Variants in PPP4R3B observed in about 807,000 individuals in gnomAD.
PPP4R3B encodes serine/threonine-protein phosphatase 4 regulatory subunit 3B.
PPP4R3B carries 52 observed loss-of-function variants against 95.4 expected under a neutral mutation model. That is an observed-to-expected ratio of 0.54 (90% CI 0.44 to 0.69). The LOEUF is 0.69. Among genes scored for constraint, PPP4R3B ranks in the 30% least tolerant of loss-of-function variants. PPP4R3B has a pLI of 0.00. For missense variants in PPP4R3B, 1,003 were observed against 1,005.9 expected, an observed-to-expected ratio of 1.00 and a Z score of 0.04; for synonymous variants, 407 against 343.9, an observed-to-expected ratio of 1.18 and a Z score of -2.03.
chr2:55,580,437 G>C (rs1265170107), intron 8 of PPP4R3B, among the ~76,000 whole-genome samples: 1 of 152,072 alleles, frequency 6.6e-6, no homozygotes, highest in African/African-American at 2.4e-5. Flanking sequence ...ATTCAAATGG[G>C]GGTAAAAGGC....
In PPP4R3B at chr2:55,585,114, T is replaced by C; in HGVS notation, c.1170A>G (p.Leu390=). ...GGACCATAGATGGACTAAATTCTAC[T>C]AGATAAGAAAATATATCTGTAGCAG... The part of the protein sequence containing the change: ...RSAATDIFSY[L]VEFSPSMVRE... The change falls in exon 7 of 17, where the codon CTA becomes CTG. Residue 390 remains leucine, a synonymous_variant. Coordinates refer to ENST00000616407, the MANE Select transcript of PPP4R3B (RefSeq NM_001122964.3). The C allele has an allele frequency of 6.2e-7, 1 of 1,611,794 alleles. No individual in the cohort carries two copies. Among genetic ancestry groups the C allele is most frequent in the Non-Finnish European group, 8.5e-7 (1 of 1,179,080 alleles).
chr2:55,558,623 T>A, intron 16 of PPP4R3B, 152 bp downstream of exon 16: 1 of 585,514 alleles, frequency 1.7e-6, no homozygotes, highest in South Asian at 2.9e-5. Flanking sequence ...TAAAATAAAA[T>A]AAAATAAAAT....
chr2:55,559,028 A>G, intron 15 of PPP4R3B, 60 bp from the exon 16 acceptor site: 2 of 1,335,816 alleles, frequency 1.5e-6, no homozygotes, highest in Non-Finnish European at 2.1e-6. Flanking sequence ...CAAAACATCT[A>G]AAAACAGCAG....
chr2:55,596,344 T>G (rs1398583306), intron 4 of PPP4R3B, among the ~76,000 whole-genome samples: 1 of 31,712 alleles, frequency 3.2e-5, no homozygotes, highest in Non-Finnish European at 6.5e-5. Context: ...TTCGTCTATT[T>G]CGAAAAAAAA....
chr2:55,586,340 T>C (rs374575913), intron 6 of PPP4R3B, among the ~76,000 whole-genome samples: 36 of 152,308 alleles, frequency 2.4e-4, no homozygotes, highest in African/African-American at 8.2e-4. Context: ...GATATTTTAC[T>C]GGCTTCTATG....
At chr2:55,552,544 C>T (rs1368829484) in intron 16 of PPP4R3B, among the ~76,000 whole-genome samples, 2 of 152,160 alleles carry the variant, frequency 1.3e-5, no homozygotes, top group Admixed American at 6.5e-5. Flanking sequence ...CATGCATGCA[C>T]CACCATGCCT....
Position 55,568,255 on chromosome 2 carries a change from T to C in PPP4R3B, c.1874A>G (p.Asn625Ser). The C allele has an allele frequency of 6.2e-7, 1 of 1,607,664 alleles. No individual in the cohort carries two copies. Among genetic ancestry groups the C allele is most frequent in the Non-Finnish European group, 8.5e-7 (1 of 1,176,902 alleles). ...FEPVINALLDNGTRYNLLNSA... is the reference protein window; with the variant it reads ...FEPVINALLDSGTRYNLLNSA... ...ATTCAACAGATTATACCGAGTTCCA[T>C]TATCCAGAAGTGCATTTATAACTGG... Residue 625 changes from asparagine to serine, a missense_variant, in exon 13 of 17, where the codon AAT becomes AGT. Physicochemically the swap from Asn to Ser is conservative, Grantham distance 46. This residue lies in a region of PPP4R3B where 79 missense variants were observed against 124.9 expected (regional missense o/e 0.63). Transcript: ENST00000616407.
intron 13 of PPP4R3B, among the ~76,000 whole-genome samples, chr2:55,566,836 A>G (rs1371085996): frequency 6.6e-6 from 1 of 152,128 alleles, no homozygotes; most frequent in Non-Finnish European, 1.5e-5. Flanking sequence ...GGGAGACCCC[A>G]TACATAAAAA....
chr2:55,605,360 A>C (rs951984088), intron 2 of PPP4R3B, among the ~76,000 whole-genome samples: 1 of 152,224 alleles, frequency 6.6e-6, no homozygotes, highest in Non-Finnish European at 1.5e-5. Context: ...CATGAATACA[A>C]AACTAAAAAT....
chr2:55,568,629 T>C (rs996849338), intron 12 of PPP4R3B, among the ~76,000 whole-genome samples: 14 of 152,230 alleles, frequency 9.2e-5, no homozygotes, highest in African/African-American at 3.4e-4. Flanking sequence ...ACAAAAACAG[T>C]AATTGGAATC....
chr2:55,608,906 A>C (rs1693780507), intron 2 of PPP4R3B, among the ~76,000 whole-genome samples: 1 of 152,078 alleles, frequency 6.6e-6, no homozygotes, highest in Non-Finnish European at 1.5e-5. Context: ...GATCGCACCT[A>C]GGAGGTCAAG....
intron 7 of PPP4R3B, 26 bp downstream of exon 7, chr2:55,585,025 C>T (rs368999320): frequency 1.3e-6 from 2 of 1,527,310 alleles, no homozygotes; most frequent in East Asian, 2.3e-5. Flanking sequence ...AGGTAATTCA[C>T]ATAGAACCAC....
At chr2:55,605,741 A>G (rs10203953) in intron 2 of PPP4R3B, among the ~76,000 whole-genome samples, 20,269 of 152,024 alleles carry the variant, frequency 0.13, 2,725 homozygotes, top group African/African-American at 0.35. Context: ...CCCCGTCTCT[A>G]CTAAAAATAC....
intron 16 of PPP4R3B, among the ~76,000 whole-genome samples, chr2:55,554,728 T>C (rs2103790511): frequency 6.6e-6 from 1 of 152,348 alleles, no homozygotes; most frequent in East Asian, 1.9e-4. Flanking sequence ...TCCTTTGGAG[T>C]ACAAAATTTT....
chr2:55,563,231 T>G (rs771004707), intron 15 of PPP4R3B, among the ~76,000 whole-genome samples: 1 of 152,164 alleles, frequency 6.6e-6, no homozygotes, highest in Non-Finnish European at 1.5e-5. Flanking sequence ...AACTAATGAG[T>G]TGAAAATGAG....
At chr2:55,616,020 C>G (rs955757194) in intron 1 of PPP4R3B, among the ~76,000 whole-genome samples, 1 of 150,808 alleles carries the variant, frequency 6.6e-6, no homozygotes, top group African/African-American at 2.4e-5. Context: ...ATATTTCACC[C>G]TATTCCCATA....
intron 6 of PPP4R3B, 81 bp downstream of exon 6, chr2:55,586,534 CATT>C (rs771438535): frequency 1.2e-4 from 88 of 714,492 alleles, no homozygotes; most frequent in Non-Finnish European, 2.0e-4. Context: ...ATTGAATATA[CATT>C]ATTATATATT....
chr2:55,597,773 C>T (rs923255439), intron 4 of PPP4R3B, among the ~76,000 whole-genome samples: 3 of 152,088 alleles, frequency 2.0e-5, no homozygotes, highest in Non-Finnish European at 4.4e-5. Context: ...TGCACTCCAG[C>T]TTGGGCAACA....
Position 55,573,644 on chromosome 2 carries a change from A to AT in PPP4R3B, c.1739dup (p.Asn580LysfsTer22). ...ACAAGGCCAGAAAAGTGTGCTTTGA[A>AT]TTCATCAAGACCAAGACTCTTCTTA... is the stretch of plus-strand genomic sequence containing the variant. On this transcript the variant is annotated frameshift_variant, in exon 12 of 17. Transcript: ENST00000616407. LOFTEE classifies it high-confidence loss of function. 3 of 1,540,982 alleles carry AT rather than the reference A, an allele frequency of 1.9e-6. No individual in the cohort carries two copies. Among genetic ancestry groups the AT allele is most frequent in the Non-Finnish European group, 2.6e-6 (3 of 1,144,106 alleles).
Sources: allele counts gnomAD v4.1 joint callset (sites outside exome capture counted in the v4.1 genomes callset), GRCh38; gene constraint gnomAD v4.1.1; regional missense constraint gnomAD v4.1.1; transcripts MANE v1.5; gene names NCBI Gene and HGNC (gene_info 2026-07-23, HGNC 2026-07-21).